Variants in ATXN1 observed in about 807,000 individuals in gnomAD.
ATXN1 encodes ataxin 1, also known as ataxin-1.
A neutral mutation model predicts 56.4 loss-of-function variants in ATXN1; 8 were observed. The ratio of observed to expected loss-of-function variants is 0.14; its 90% CI spans 0.08 to 0.26. ATXN1 has a LOEUF of 0.26. Among genes scored for constraint, ATXN1 ranks in the 10% least tolerant of loss-of-function variants. The pLI, the probability that ATXN1 is intolerant of heterozygous loss-of-function variation, is 1.00. For missense variants in ATXN1, 987 were observed against 1,106.5 expected, an observed-to-expected ratio of 0.89 and a Z score of 1.53; for synonymous variants, 514 against 494.6, an observed-to-expected ratio of 1.04 and a Z score of -0.52.
At chr6:16,429,240 G>A (rs2113578329) in intron 6 of ATXN1, among the ~76,000 whole-genome samples, 1 of 151,936 alleles carries the variant, frequency 6.6e-6, no homozygotes, top group South Asian at 2.1e-4. Context: ...CTTCCCCATA[G>A]ACAGAGATCC....
intron 2 of ATXN1, among the ~76,000 whole-genome samples, chr6:16,677,808 T>G (rs913169043): frequency 6.6e-6 from 1 of 152,272 alleles, no homozygotes; most frequent in African/African-American, 2.4e-5. Context: ...TTGTTTACAA[T>G]TTTCTATTAC....
At chr6:16,690,116 G>A (rs367866640) in intron 2 of ATXN1, among the ~76,000 whole-genome samples, 2 of 151,886 alleles carry the variant, frequency 1.3e-5, no homozygotes, top group East Asian at 1.9e-4. Context: ...TTAGAGACGG[G>A]GTCTCACTAT....
intron 6 of ATXN1, among the ~76,000 whole-genome samples, chr6:16,382,657 T>C (rs1035378888): frequency 2.0e-5 from 3 of 152,246 alleles, no homozygotes; most frequent in Admixed American, 6.5e-5. Flanking sequence ...ATGAAGATGC[T>C]GACTTTCAAC....
intron 3 of ATXN1, among the ~76,000 whole-genome samples, chr6:16,619,769 C>T (rs1016895633): frequency 2.6e-5 from 4 of 151,694 alleles, no homozygotes; most frequent in African/African-American, 4.8e-5. Context: ...TATAGCCATG[C>T]GTGGCAACAT....
In ATXN1 at chr6:16,472,046, T is replaced by A. The variant is rs145315664; in HGVS notation, c.-161+13926A>T. Among the ~76,000 whole-genome samples the A allele has an allele frequency of 6.8e-3, 1,040 of 152,274 alleles. 7 individuals carry two copies. Among genetic ancestry groups the A allele is most frequent in the Non-Finnish European group, 0.01 (703 of 68,018 alleles). On this transcript the variant is annotated intron_variant, in intron 6 of 7. Transcript: ENST00000436367. ...AGTGTTGACTTTGATTGCATACCCA[T>A]GTCCCTGGCAGCTTAGAATGGTTAC...
intron 6 of ATXN1, among the ~76,000 whole-genome samples, chr6:16,330,136 G>A (rs1019443894): frequency 6.6e-6 from 1 of 152,030 alleles, no homozygotes; most frequent in Non-Finnish European, 1.5e-5. Flanking sequence ...GGCTGGTCTT[G>A]AAATCCTGGC....
intron 6 of ATXN1, among the ~76,000 whole-genome samples, chr6:16,363,659 C>T (rs9477091): frequency 0.078 from 11,883 of 152,204 alleles, 1,475 homozygotes; most frequent in African/African-American, 0.26. Flanking sequence ...GGCTCCCACC[C>T]GTACCGTTTA....
intron 4 of ATXN1, among the ~76,000 whole-genome samples, chr6:16,584,239 TATATACAC>T (rs752377680): frequency 0.015 from 1,955 of 127,534 alleles, 79 homozygotes; most frequent in Non-Finnish European, 0.022. Flanking sequence ...TATATATATA[TATATACAC>T]ACACACACAC....
intron 4 of ATXN1, among the ~76,000 whole-genome samples, chr6:16,557,326 C>CAAAA (rs10551173): frequency 3.4e-5 from 3 of 87,744 alleles, no homozygotes; most frequent in Admixed American, 1.2e-4. Context: ...AACCCCATTT[C>CAAAA]AAAAAAAAAA....
intron 2 of ATXN1, among the ~76,000 whole-genome samples, chr6:16,688,109 C>G (rs1191175359): frequency 6.6e-6 from 1 of 152,052 alleles, no homozygotes; most frequent in African/African-American, 2.4e-5. Flanking sequence ...TTTTCATGAT[C>G]CAGGGACTTG....
At chr6:16,622,257 G>C (rs1194666690) in intron 3 of ATXN1, among the ~76,000 whole-genome samples, 1 of 152,202 alleles carries the variant, frequency 6.6e-6, no homozygotes, top group Non-Finnish European at 1.5e-5. Flanking sequence ...TTATTTTAGA[G>C]TAATGCAAAG....
chr6:16,344,272 C>T (rs6914035), intron 6 of ATXN1, among the ~76,000 whole-genome samples: 6,103 of 152,314 alleles, frequency 0.04, 410 homozygotes, highest in African/African-American at 0.14. Context: ...CAGCCACCCC[C>T]GCATGCCTTC....
intron 6 of ATXN1, among the ~76,000 whole-genome samples, chr6:16,477,714 A>G (rs1760354263): frequency 6.6e-6 from 1 of 152,208 alleles, no homozygotes; most frequent in Non-Finnish European, 1.5e-5. Context: ...AGAAAAACTG[A>G]TACCATCAGA....
At chr6:16,428,713 C>T (rs928946083) in intron 6 of ATXN1, among the ~76,000 whole-genome samples, 1 of 152,154 alleles carries the variant, frequency 6.6e-6, no homozygotes, top group Non-Finnish European at 1.5e-5. Context: ...TGGCTCACTC[C>T]AGCTAACACC....
intron 6 of ATXN1, among the ~76,000 whole-genome samples, chr6:16,438,750 AT>A (rs1332812038): frequency 6.6e-6 from 1 of 152,202 alleles, no homozygotes; most frequent in Non-Finnish European, 1.5e-5. Context: ...ATAGACTGAA[AT>A]TTAATAGCAA....
In ATXN1 at chr6:16,672,523, T is replaced by C. The variant is rs550857566; in HGVS notation, c.-614-14622A>G. Among the ~76,000 whole-genome samples, 14 of 152,234 alleles carry C rather than the reference T, an allele frequency of 9.2e-5. No individual in the cohort carries two copies. The South Asian group carries it at 2.9e-3, about 32-fold the overall frequency. ...CGTGGTAAAAGCGATTTCACAGATG[T>C]GATGACATTAAGGATCTGGAGATGG... On this transcript the variant is annotated intron_variant, in intron 2 of 7. Coordinates refer to ENST00000436367, the MANE Select transcript of ATXN1 (RefSeq NM_001128164.2).
intron 2 of ATXN1, among the ~76,000 whole-genome samples, chr6:16,746,672 A>C (rs1373249767): frequency 2.0e-5 from 3 of 152,240 alleles, no homozygotes; most frequent in African/African-American, 7.2e-5. Context: ...TTCAGGTATG[A>C]AACTAATATA....
At chr6:16,510,039 G>T (rs1230274944) in intron 5 of ATXN1, among the ~76,000 whole-genome samples, 1 of 152,168 alleles carries the variant, frequency 6.6e-6, no homozygotes, top group Non-Finnish European at 1.5e-5. Flanking sequence ...TTCCCAATCA[G>T]AAGTGATCAC....
chr6:16,693,756 T>C (rs1001338365), intron 2 of ATXN1, among the ~76,000 whole-genome samples: 6 of 152,218 alleles, frequency 3.9e-5, no homozygotes, highest in Admixed American at 2.6e-4. Context: ...TATTATGAAG[T>C]GTATTTAATT....
Sources: allele counts gnomAD v4.1 joint callset (sites outside exome capture counted in the v4.1 genomes callset), GRCh38; gene constraint gnomAD v4.1.1; transcripts MANE v1.5; gene names NCBI Gene and HGNC (gene_info 2026-07-23, HGNC 2026-07-21).